Variants in BSDC1 observed in about 807,000 individuals in gnomAD.
The protein encoded by BSDC1 is BSD domain-containing protein 1.
A neutral mutation model predicts 56.0 loss-of-function variants in BSDC1; 29 were observed. The ratio of observed to expected loss-of-function variants is 0.52; its 90% CI spans 0.39 to 0.71. The LOEUF (loss-of-function observed/expected upper bound fraction) is 0.71, where lower values mean the gene tolerates loss of function less well. Among genes scored for constraint, BSDC1 ranks in the 30% least tolerant of loss-of-function variants. The pLI, the probability that BSDC1 is intolerant of heterozygous loss-of-function variation, is 0.00. For synonymous variants in BSDC1, 210 were observed against 215.3 expected (o/e 0.98, Z 0.21); for missense variants, 477 against 548.5 (o/e 0.87, Z 1.30).
rs1284813744 is a variant in BSDC1 at position 32,376,314 on chromosome 1, A to T, written c.1104T>A (p.Phe368Leu). The T allele has an allele frequency of 7.6e-6, 12 of 1,588,770 alleles. No individual in the cohort carries two copies. Among genetic ancestry groups the T allele is most frequent in the Admixed American group, 3.5e-5 (2 of 57,366 alleles). ...ACTTCCCACTATCCGAGTTCAGCTC[A>T]AACACCCGTAAGTCTGTGGGCGCCT... ...REEAPTDLRV[F>L]ELNSDSGKST... is the part of the protein sequence containing the mutation. The change falls in exon 9 of 11, where the codon TTT (phenylalanine) becomes TTA (leucine). Residue 368 changes from phenylalanine (F) to leucine (L), a missense_variant. Transcript: ENST00000455895.
At chr1:32,371,663 C>T (rs1642093005) in intron 9 of BSDC1, among the ~76,000 whole-genome samples, 1 of 151,896 alleles carries the variant, frequency 6.6e-6, no homozygotes, top group Non-Finnish European at 1.5e-5. Flanking sequence ...GATCCTCCAA[C>T]GGCATGACCA....
chr1:32,368,541 G>A lies in BSDC1; in HGVS notation c.1166C>T (p.Thr389Met), dbSNP rs768147592. The change falls in exon 10 of 11, where the codon ACG (threonine) becomes ATG (methionine). Residue 389 changes from threonine (T) to methionine (M), a missense_variant. Physicochemically the swap from Thr to Met is moderately conservative, Grantham distance 81. Coordinates refer to ENST00000455895, the MANE Select transcript of BSDC1 (RefSeq NM_018045.8). ...TTTCTCCCAGTCCTCACTGATGTCC[G>A]TGCTTGAGCCTGGAACCACGAGCCA... is the stretch of plus-strand genomic sequence containing the variant. ...PSNNGKKGSS[T>M]DISEDWEKDF... is the part of the protein sequence containing the mutation. 3.7e-6 allele frequency: 6 copies of A among 1,614,126 alleles called. No individual in the cohort carries two copies. The highest frequency in any genetic ancestry group is 4.5e-5 in the East Asian group (2 of 44,880).
intron 9 of BSDC1, among the ~76,000 whole-genome samples, chr1:32,375,688 T>G (rs1478424297): frequency 6.6e-6 from 1 of 152,250 alleles, no homozygotes; most frequent in African/African-American, 2.4e-5. Flanking sequence ...GGTATGAGTT[T>G]TGTTTATATA....
chr1:32,386,047 C>T lies in BSDC1; in HGVS notation c.189+732G>A, dbSNP rs527728159. 2.8e-4 allele frequency among the ~76,000 whole-genome samples: 42 copies of T among 152,094 alleles called. No homozygotes were observed. The South Asian group carries it at 4.6e-3, about 17-fold the overall frequency. ...TAAGTAAAAAAATAAGGGCTGGGCGCGGTGGCTCACGCCTGTAGTCCCAGC... is the reference window on the plus strand; with the variant it reads ...TAAGTAAAAAAATAAGGGCTGGGCGTGGTGGCTCACGCCTGTAGTCCCAGC... On this transcript the variant is annotated intron_variant, in intron 3 of 10. Coordinates refer to ENST00000455895, the MANE Select transcript of BSDC1 (RefSeq NM_018045.8).
Position 32,376,384 on chromosome 1 carries a change from C to T in BSDC1, c.1034G>A (p.Gly345Asp). ...KPLTPAGHTG[G>D]PEPRPPARVE... ...TCTGGCTGGAGGCCTGGGCTCTGGG[C>T]CGCCGGTGTGGCCAGCAGGCGTTAG... The change falls in exon 9 of 11, where the codon GGC becomes GAC. Residue 345 changes from glycine (G) to aspartate (D), a missense_variant. Physicochemically the swap from Gly to Asp is moderately conservative, Grantham distance 94. Coordinates refer to ENST00000455895, the MANE Select transcript of BSDC1 (RefSeq NM_018045.8). 2 of 1,613,638 alleles carry T rather than the reference C, an allele frequency of 1.2e-6. No homozygotes were observed. Among genetic ancestry groups the T allele is most frequent in the Non-Finnish European group, 1.7e-6 (2 of 1,179,642 alleles).
chr1:32,367,568 C>T, intron 10 of BSDC1: 1 of 985,440 alleles, frequency 1.0e-6, no homozygotes, highest in Non-Finnish European at 1.2e-6. Context: ...TCTTATGTGA[C>T]AGTGGAACTA....
intron 2 of BSDC1, among the ~76,000 whole-genome samples, chr1:32,390,001 C>T (rs1303991199): frequency 2.0e-5 from 3 of 150,416 alleles, no homozygotes; most frequent in Admixed American, 6.6e-5. Flanking sequence ...GAACAGGAGT[C>T]AGCTAAGAAG....
chr1:32,388,567 G>A (rs1458577835), intron 2 of BSDC1, among the ~76,000 whole-genome samples: 1 of 152,114 alleles, frequency 6.6e-6, no homozygotes, highest in African/African-American at 2.4e-5. Context: ...AGGGCAGACC[G>A]TGCTGCTTTA....
At chr1:32,374,977 C>G (rs1412363929) in intron 9 of BSDC1, among the ~76,000 whole-genome samples, 1 of 152,066 alleles carries the variant, frequency 6.6e-6, no homozygotes, top group Non-Finnish European at 1.5e-5. Flanking sequence ...ACAGTGAAAC[C>G]CCATCTCTAC....
intron 2 of BSDC1, among the ~76,000 whole-genome samples, chr1:32,392,734 C>G (rs1048457666): frequency 1.3e-5 from 2 of 152,198 alleles, no homozygotes; most frequent in African/African-American, 4.8e-5. Flanking sequence ...TGCTGAGAGG[C>G]TGTCCAGGAG....
rs1570083774 is a variant in BSDC1 at position 32,364,798 on chromosome 1, G to A, written c.*1824C>T. 6.6e-6 allele frequency among the ~76,000 whole-genome samples: 1 copy of A among 152,062 alleles called. No individual in the cohort carries two copies. Among genetic ancestry groups the A allele is most frequent in the Non-Finnish European group, 1.5e-5 (1 of 68,006 alleles). ...AGACCCAAGAATCATATACAAACAGGGGGAAGAGAGGATAAAAATGACCAA... is the reference window on the plus strand; with the variant it reads ...AGACCCAAGAATCATATACAAACAGAGGGAAGAGAGGATAAAAATGACCAA... On this transcript the variant is annotated 3_prime_UTR_variant, in exon 11 of 11. Transcript: ENST00000455895.
At chr1:32,389,877 G>A (rs1642806362) in intron 2 of BSDC1, among the ~76,000 whole-genome samples, 1 of 151,762 alleles carries the variant, frequency 6.6e-6, no homozygotes. Context: ...GGAGGCTGAG[G>A]TGGGAGAATC....
At chr1:32,393,978 G>T (rs567040901) in intron 2 of BSDC1, 102 bp downstream of exon 2, 3 of 1,225,724 alleles carry the variant, frequency 2.4e-6, no homozygotes, top group East Asian at 2.5e-5. Flanking sequence ...CCTCATCCTT[G>T]AGACTTAGCG....
intron 8 of BSDC1, among the ~76,000 whole-genome samples, chr1:32,377,643 G>A (rs548958512): frequency 6.6e-6 from 1 of 152,258 alleles, no homozygotes; most frequent in Non-Finnish European, 1.5e-5. Flanking sequence ...TACATGTCTG[G>A]CCGCATCTTT....
chr1:32,386,979 C>CA, intron 2 of BSDC1, 84 bp from the exon 3 acceptor site: 1 of 1,043,222 alleles, frequency 9.6e-7, no homozygotes, highest in Non-Finnish European at 1.5e-6. Context: ...CAGTACCAGA[C>CA]AGACAAATGG....
At chr1:32,393,834 G>T (rs980181065) in intron 2 of BSDC1, 1 of 507,404 alleles carries the variant, frequency 2.0e-6, no homozygotes, top group South Asian at 3.2e-5. Flanking sequence ...TCCTTCCTAT[G>T]GATTCCTACA....
chr1:32,383,878 G>C lies in BSDC1; in HGVS notation c.309C>G (p.Thr103=). ...PDKTIDCDVI[T]LMGTPSGTAE... is the part of the protein sequence containing the mutation. ...CTGTGCCAGACGGTGTGCCCATCAG[G>C]GTGATGACATCGCAGTCGATGGTTT... The change falls in exon 4 of 11, where the codon ACC becomes ACG. Residue 103 remains threonine (T), a synonymous_variant. Coordinates refer to ENST00000455895, the MANE Select transcript of BSDC1 (RefSeq NM_018045.8). 2 of 1,612,330 alleles carry C rather than the reference G, an allele frequency of 1.2e-6. No individual in the cohort carries two copies. Among genetic ancestry groups the C allele is most frequent in the Non-Finnish European group, 1.7e-6 (2 of 1,180,032 alleles).
At chr1:32,366,682 CACAA>C in intron 10 of BSDC1, 28 bp from the exon 11 acceptor site, 6 of 1,458,848 alleles carry the variant, frequency 4.1e-6, no homozygotes, top group Non-Finnish European at 5.4e-6. Context: ...TAATGGAAAT[CACAA>C]ACACATAGTT....
intron 5 of BSDC1, among the ~76,000 whole-genome samples, chr1:32,379,890 T>G (rs1245939258): frequency 6.6e-6 from 1 of 152,216 alleles, no homozygotes. Context: ...CTCTATTTCA[T>G]TCTTCACAAT....
Sources: gnomAD v4.1 joint callset for allele counts (sites outside exome capture counted in the v4.1 genomes callset) on GRCh38, gnomAD v4.1.1 for gene constraint, MANE v1.5 for transcripts, NCBI Gene and HGNC (gene_info 2026-07-23, HGNC 2026-07-21) for gene names.